Variants in SPECC1L observed in about 807,000 individuals in gnomAD.
SPECC1L encodes the protein sperm antigen with calponin homology and coiled-coil domains 1 like, also known as cytospin-A.
SPECC1L carries 40 observed loss-of-function variants against 116.8 expected under a neutral mutation model. The ratio of observed to expected loss-of-function variants is 0.34; its 90% confidence interval spans 0.27 to 0.45. The LOEUF is 0.45. SPECC1L is among the 20% of genes least tolerant of loss of function. The probability of loss-of-function intolerance (pLI) is 1.00; values close to 1 mark genes in which losing one functional copy is unlikely to be tolerated. For missense variants in SPECC1L, 1,110 were observed against 1,373.6 expected, an observed-to-expected ratio of 0.81 and a Z score of 3.03; for synonymous variants, 504 against 500.6, an observed-to-expected ratio of 1.01 and a Z score of -0.09.
chr22:24,321,152 G>A, intron 4 of SPECC1L, 136 bp from the exon 5 acceptor site: 1 of 999,552 alleles, frequency 1.0e-6, no homozygotes, highest in Non-Finnish European at 1.5e-6. Flanking sequence ...AGACTCTAAG[G>A]CAAGATTATT....
At chr22:24,402,024 C>T (rs966737088) in intron 14 of SPECC1L, among the ~76,000 whole-genome samples, 3 of 152,070 alleles carry the variant, frequency 2.0e-5, no homozygotes, top group African/African-American at 4.8e-5. Context: ...CCTTCTTGCT[C>T]CCTCTTTACC....
intron 11 of SPECC1L, among the ~76,000 whole-genome samples, chr22:24,353,335 T>G (rs1185099253): frequency 1.3e-5 from 2 of 152,206 alleles, no homozygotes; most frequent in Non-Finnish European, 2.9e-5. Context: ...CCTCAACACT[T>G]TTGAAGAATA....
At chr22:24,335,257 C>G (rs1248569988) in intron 9 of SPECC1L, among the ~76,000 whole-genome samples, 2 of 152,234 alleles carry the variant, frequency 1.3e-5, no homozygotes, top group African/African-American at 4.8e-5. Context: ...CTCCCTGTTT[C>G]ATCCCATGAT....
intron 2 of SPECC1L, among the ~76,000 whole-genome samples, chr22:24,285,474 G>A (rs1010361505): frequency 2.6e-5 from 4 of 152,102 alleles, no homozygotes; most frequent in Non-Finnish European, 1.5e-5. Flanking sequence ...GCATTTGAAC[G>A]CATATTCTAC....
At chr22:24,284,473 C>T (rs942057619) in intron 2 of SPECC1L, among the ~76,000 whole-genome samples, 7 of 152,048 alleles carry the variant, frequency 4.6e-5, no homozygotes, top group African/African-American at 1.7e-4. Flanking sequence ...CTTGCTCTGT[C>T]GCCCAGGCTG....
chr22:24,414,206 C>T (rs2146831273), intron 16 of SPECC1L, among the ~76,000 whole-genome samples: 1 of 152,182 alleles, frequency 6.6e-6, no homozygotes, highest in African/African-American at 2.4e-5. Flanking sequence ...GAAGGGTCCC[C>T]CAAGGAGTGG....
intron 14 of SPECC1L, among the ~76,000 whole-genome samples, chr22:24,384,349 G>C (rs1314915034): frequency 6.6e-6 from 1 of 152,062 alleles, no homozygotes; most frequent in Admixed American, 6.6e-5. Context: ...GAAAGAAAAA[G>C]GAAGTTCTTG....
chr22:24,313,461 G>A lies in SPECC1L; in HGVS notation c.302G>A (p.Ser101Asn). The part of the protein sequence containing the change: ...MTTVENKSKI[S>N]TGTASSTKRS... Reference sequence around the variant, plus strand: ...ACCGTGGAGAACAAATCCAAGATTAGCACAGGTAACGGTGACATTCAGTCT... The same window carrying A: ...ACCGTGGAGAACAAATCCAAGATTAACACAGGTAACGGTGACATTCAGTCT... The change falls in exon 4 of 17, where the codon AGC becomes AAC. Residue 101 changes from serine (S) to asparagine (N), a missense_variant. Physicochemically the swap from Ser to Asn is conservative, Grantham distance 46 (BLOSUM62 1). Around this residue, in one of 4 missense-constraint regions of SPECC1L, gnomAD observed 437 missense variants for 482.6 expected, o/e 0.91. Coordinates refer to ENST00000314328, the MANE Select transcript of SPECC1L (RefSeq NM_015330.6). 6.2e-7 allele frequency: 1 copy of A among 1,613,998 alleles called. No individual in the cohort carries two copies. Among genetic ancestry groups the A allele is most frequent in the Non-Finnish European group, 8.5e-7 (1 of 1,180,036 alleles).
rs2042771242 is a variant in SPECC1L at position 24,414,742 on chromosome 22, C to T, written c.*119C>T. 4 of 839,922 alleles carry T rather than the reference C, an allele frequency of 4.8e-6. No homozygotes were observed. Among genetic ancestry groups the T allele is most frequent in the East Asian group, 5.3e-5 (2 of 37,674 alleles). 52.0% of individuals were successfully genotyped at this position (839,922 alleles called of 1,614,324 possible). On this transcript the variant is annotated 3_prime_UTR_variant, in exon 17 of 17. Transcript: ENST00000314328. The stretch of plus-strand genomic sequence containing the variant: ...CCAGCAACTCTGGGCTGCCCCACAG[C>T]GTGTGAGCCTCCAGCTCGGGGCTTC...
chr22:24,343,384 C>A, intron 10 of SPECC1L: 2 of 403,810 alleles, frequency 5.0e-6, no homozygotes, highest in South Asian at 1.8e-5. Flanking sequence ...TAAGGACAGG[C>A]AGGTGAGAAT....
Position 24,335,221 on chromosome 22 carries a change from C to T in SPECC1L, c.2560+648C>T, listed in dbSNP as rs780096573. ...CTTTAGTTCAAGCCACCATCAACCA[C>T]TAATTTCAGTAACCTCCAAATTAAT... is the stretch of plus-strand genomic sequence containing the variant. On this transcript the variant is annotated intron_variant, in intron 9 of 16. Coordinates refer to ENST00000314328, the MANE Select transcript of SPECC1L (RefSeq NM_015330.6). Among the ~76,000 whole-genome samples the T allele has an allele frequency of 9.9e-5, 15 of 152,232 alleles. 1 individual carries two copies. The highest frequency in any genetic ancestry group is 3.3e-4 in the Admixed American group (5 of 15,282).
intron 6 of SPECC1L, among the ~76,000 whole-genome samples, chr22:24,327,864 A>G (rs534338796): frequency 2.6e-5 from 4 of 152,318 alleles, no homozygotes; most frequent in Admixed American, 2.6e-4. Flanking sequence ...TGGCGGCAAC[A>G]TGGTACAAGG....
At chr22:24,333,116 T>C (rs1422518238) in intron 8 of SPECC1L, among the ~76,000 whole-genome samples, 4 of 152,130 alleles carry the variant, frequency 2.6e-5, no homozygotes, top group Non-Finnish European at 4.4e-5. Flanking sequence ...TAATCCCAGC[T>C]ACTCGGGAGA....
At chr22:24,368,273 T>C (rs1326974337) in intron 13 of SPECC1L, among the ~76,000 whole-genome samples, 1 of 152,208 alleles carries the variant, frequency 6.6e-6, no homozygotes, top group Non-Finnish European at 1.5e-5. Context: ...TTCCTTGGGA[T>C]AGGGGCCCTG....
intron 9 of SPECC1L, 27 bp from the exon 10 acceptor site, chr22:24,338,359 T>G: frequency 1.9e-6 from 3 of 1,610,258 alleles, no homozygotes; most frequent in Non-Finnish European, 2.5e-6. Context: ...GTGACATTAT[T>G]TCCCTTTTTG....
At chr22:24,279,639 A>G (rs1477544968) in intron 2 of SPECC1L, among the ~76,000 whole-genome samples, 2 of 151,990 alleles carry the variant, frequency 1.3e-5, no homozygotes, top group African/African-American at 4.8e-5. Context: ...TAGGGCAACA[A>G]TGGTGCAATC....
At chr22:24,335,663 T>C (rs2041038468) in intron 9 of SPECC1L, among the ~76,000 whole-genome samples, 1 of 152,240 alleles carries the variant, frequency 6.6e-6, no homozygotes, top group African/African-American at 2.4e-5. Context: ...AAATGAGTTT[T>C]CATTGACTTT....
intron 11 of SPECC1L, among the ~76,000 whole-genome samples, chr22:24,352,024 G>GTT (rs201804492): frequency 6.8e-6 from 1 of 147,872 alleles, no homozygotes; most frequent in Admixed American, 6.8e-5. Context: ...CTCTACAATA[G>GTT]TTTTTTTTTT....
At chr22:24,396,103 C>A (rs922229895) in intron 14 of SPECC1L, among the ~76,000 whole-genome samples, 1 of 152,194 alleles carries the variant, frequency 6.6e-6, no homozygotes, top group African/African-American at 2.4e-5. Context: ...GAACTGTCAG[C>A]GGATGCATCT....
Sources: gnomAD v4.1 joint callset for allele counts (sites outside exome capture counted in the v4.1 genomes callset) on GRCh38, gnomAD v4.1.1 for gene constraint, gnomAD v4.1.1 regional missense constraint, MANE v1.5 for transcripts, NCBI Gene and HGNC (gene_info 2026-07-23, HGNC 2026-07-21) for gene names.